NAV2: variants seen among roughly 807,000 people sequenced by gnomAD.
NAV2 encodes the protein neuron navigator 2.
In NAV2, 54 loss-of-function variants were observed where a neutral mutation model predicts 223.2. The observed-to-expected ratio is 0.24, with a 90% CI of 0.19 to 0.30. The LOEUF (loss-of-function observed/expected upper bound fraction) is 0.30, where lower values mean the gene tolerates loss of function less well. Ranked by LOEUF, NAV2 falls within the 10% of genes least tolerant of loss-of-function variation. The probability of loss-of-function intolerance (pLI) is 1.00; values close to 1 mark genes in which losing one functional copy is unlikely to be tolerated. For missense variants in NAV2, 2,806 were observed against 3,147.5 expected (o/e 0.89, Z 2.60); for synonymous variants, 1,279 against 1,239.3 (o/e 1.03, Z -0.67).
intron 3 of NAV2, among the ~76,000 whole-genome samples, chr11:19,862,968 G>A (rs1422805734): frequency 1.3e-5 from 2 of 152,084 alleles, no homozygotes; most frequent in Admixed American, 6.5e-5. Flanking sequence ...TTAGAAGGAC[G>A]TGGAGACCTC....
At chr11:19,540,175 C>T (rs35565625) in intron 1 of NAV2, among the ~76,000 whole-genome samples, 19,878 of 152,052 alleles carry the variant, frequency 0.13, 2,002 homozygotes, top group African/African-American at 0.28. Flanking sequence ...TCATCTCCTG[C>T]AGTGGCTGCC....
intron 1 of NAV2, among the ~76,000 whole-genome samples, chr11:19,818,524 T>C (rs1485209159): frequency 1.3e-5 from 2 of 152,092 alleles, no homozygotes; most frequent in Non-Finnish European, 2.9e-5. Context: ...AAGTGATGAG[T>C]TTTAAATATT....
upstream of NAV2, chr11:19,711,043 A>G (rs2049849693): frequency 6.6e-6 from 1 of 152,222 alleles, no homozygotes; most frequent in Non-Finnish European, 1.5e-5. Context: ...CAGATGGCAA[A>G]GGGCAAAGTG....
chr11:19,946,186 C>T (rs1478671950), intron 8 of NAV2, among the ~76,000 whole-genome samples: 2 of 152,260 alleles, frequency 1.3e-5, no homozygotes, highest in South Asian at 4.2e-4. Context: ...TAAGGAGGCA[C>T]CTGAAGGAAG....
At chr11:19,536,013 C>A (rs1196474016) in intron 1 of NAV2, among the ~76,000 whole-genome samples, 1 of 152,146 alleles carries the variant, frequency 6.6e-6, no homozygotes, top group Admixed American at 6.5e-5. Context: ...TAGGCTTCAA[C>A]CCAGGCTCAG....
intron 1 of NAV2, among the ~76,000 whole-genome samples, chr11:19,801,987 G>A (rs1041038254): frequency 3.9e-5 from 6 of 152,170 alleles, no homozygotes; most frequent in Admixed American, 1.3e-4. Flanking sequence ...TTGTCCGGAG[G>A]AGAATAGCCA....
chr11:20,065,606 G>T (rs913866897), intron 20 of NAV2, among the ~76,000 whole-genome samples: 2 of 152,200 alleles, frequency 1.3e-5, no homozygotes, highest in African/African-American at 4.8e-5. Flanking sequence ...CAGATGTGCA[G>T]AACAGCGGCA....
Position 19,713,387 on chromosome 11 carries a change from G to A in NAV2, c.-309G>A. 8.4e-7 allele frequency: 1 copy of A among 1,193,622 alleles called. No homozygotes were observed. Among genetic ancestry groups the A allele is most frequent in the African/African-American group, 1.6e-5 (1 of 63,660 alleles). The allele number at this position is 1,193,622 out of a possible 1,614,324, so 73.9% of individuals were successfully genotyped here. On this transcript the variant is annotated 5_prime_UTR_variant, in exon 1 of 38. Transcript: ENST00000349880. This position sits in a 1 kb window ranked among gnomAD's most constrained non-coding sequence, Gnocchi z 7.2. ...TCCCAGGAGGAAATTTGCAAGAGGCGGCAGCCCCTGAGCGCCCAGAGCTCT... is the reference window on the plus strand; with the variant it reads ...TCCCAGGAGGAAATTTGCAAGAGGCAGCAGCCCCTGAGCGCCCAGAGCTCT...
At chr11:19,923,120 G>A (rs986847306) in intron 6 of NAV2, among the ~76,000 whole-genome samples, 7 of 152,072 alleles carry the variant, frequency 4.6e-5, no homozygotes, top group African/African-American at 1.7e-4. Context: ...GGGAAATAAG[G>A]GCTCATCTTC....
At chr11:19,791,576 C>A (rs898036057) in intron 1 of NAV2, among the ~76,000 whole-genome samples, 2 of 152,146 alleles carry the variant, frequency 1.3e-5, no homozygotes, top group African/African-American at 2.4e-5. Flanking sequence ...TGGGGTGCTG[C>A]AGAGTTCTTC....
At chr11:20,087,975 G>C (rs1049035897) in intron 26 of NAV2, among the ~76,000 whole-genome samples, 9 of 152,102 alleles carry the variant, frequency 5.9e-5, no homozygotes, top group African/African-American at 2.2e-4. Flanking sequence ...TTATGTAAAT[G>C]TGATCAGATG....
chr11:19,934,827 G>A (rs981945371), intron 7 of NAV2, among the ~76,000 whole-genome samples: 1 of 3,666 alleles, frequency 2.7e-4, no homozygotes, highest in African/African-American at 3.0e-4. Context: ...GGGAGGGGCT[G>A]GTCTAGAAGA....
intron 1 of NAV2, among the ~76,000 whole-genome samples, chr11:19,830,902 C>T (rs1403368475): frequency 6.6e-6 from 1 of 152,068 alleles, no homozygotes; most frequent in African/African-American, 2.4e-5. Flanking sequence ...TTTACTGGAT[C>T]GTTGGTCTCT....
chr11:19,352,568 T>G (rs1381923467), intron 1 of NAV2, among the ~76,000 whole-genome samples: 3 of 152,160 alleles, frequency 2.0e-5, no homozygotes, highest in Admixed American at 1.3e-4. Context: ...TGGGGTAACA[T>G]CAATTGGTCA....
intron 11 of NAV2, among the ~76,000 whole-genome samples, chr11:19,995,050 C>T (rs894124450): frequency 2.0e-5 from 3 of 152,138 alleles, no homozygotes; most frequent in Non-Finnish European, 2.9e-5. Context: ...GCAATCCAGG[C>T]GATAAGGAAA....
intron 1 of NAV2, among the ~76,000 whole-genome samples, chr11:19,592,748 G>A (rs1170000785): frequency 6.6e-6 from 1 of 152,124 alleles, no homozygotes; most frequent in African/African-American, 2.4e-5. Flanking sequence ...AAGTAACAAT[G>A]AAAATAAAAT....
chr11:19,449,410 A>T (rs1851706733), intron 1 of NAV2, among the ~76,000 whole-genome samples: 1 of 152,036 alleles, frequency 6.6e-6, no homozygotes, highest in African/African-American at 2.4e-5. Flanking sequence ...AAAAAAAAAA[A>T]ATGTGGGAGC....
rs536461034 is a variant in NAV2 at position 19,680,366 on chromosome 11, C to T, written c.76-152118C>T. Among the ~76,000 whole-genome samples the T allele has an allele frequency of 7.9e-5, 12 of 152,348 alleles. No homozygotes were observed. In the East Asian group the frequency reaches 1.2e-3, roughly 15 times the overall value. ...AGGCTGTCGCCTCCCGCCAGTTTCC[C>T]GTAACCGCCTGAGTAAAGACTCAGT... On this transcript the variant is annotated intron_variant, in intron 1 of 37. Coordinates refer to the NAV2 transcript ENST00000360655.
At chr11:19,694,441 G>C (rs1231628354) in intron 1 of NAV2, among the ~76,000 whole-genome samples, 2 of 152,212 alleles carry the variant, frequency 1.3e-5, no homozygotes, top group African/African-American at 2.4e-5. Flanking sequence ...AGCCAGGGGA[G>C]GGGAGGGCCG....
Sources: gnomAD v4.1 joint callset for allele counts (sites outside exome capture counted in the v4.1 genomes callset) on GRCh38, gnomAD v4.1.1 for gene constraint, Gnocchi (gnomAD v3.1) non-coding constraint, MANE v1.5 for transcripts, NCBI Gene and HGNC (gene_info 2026-07-23, HGNC 2026-07-21) for gene names.